Variants in ANKRD44 observed in about 807,000 individuals in gnomAD.
ANKRD44 encodes serine/threonine-protein phosphatase 6 regulatory ankyrin repeat subunit B.
Under a neutral mutation model 116.0 loss-of-function variants are expected in ANKRD44, and 35 were observed. The observed-to-expected ratio is 0.30, with a 90% CI of 0.23 to 0.40. The LOEUF (loss-of-function observed/expected upper bound fraction) is 0.40. Among genes scored for constraint, ANKRD44 ranks in the 10% least tolerant of loss-of-function variants. The pLI is 1.00. For synonymous variants in ANKRD44, 435 were observed against 461.8 expected, an observed-to-expected ratio of 0.94 and a Z score of 0.74; for missense variants, 1,014 against 1,242.6, an observed-to-expected ratio of 0.82 and a Z score of 2.77.
chr2:196,995,466 TAAAGAA>T lies in ANKRD44; in HGVS notation c.2749-11_2749-6del. The T allele has an allele frequency of 1.3e-6, 2 of 1,592,316 alleles. No homozygotes were observed. ...CAAGGCACATTTTTCATGACCCTAA[TAAAGAA>T]AAAGAATGATAAGAAATGCAAGATA... On this transcript the variant is annotated splice_polypyrimidine_tract_variant and splice_region_variant and intron_variant, in intron 25 of 27. Coordinates refer to ENST00000282272, the MANE Select transcript of ANKRD44 (RefSeq NM_001195144.2).
intron 13 of ANKRD44, 86 bp downstream of exon 13, chr2:197,086,594 C>G: frequency 7.5e-7 from 1 of 1,325,502 alleles, no homozygotes; most frequent in Non-Finnish European, 1.1e-6. Flanking sequence ...TCCCGGTTTA[C>G]CATTTCAACC....
At chr2:197,300,302 A>G (rs1258148372) in intron 1 of ANKRD44, among the ~76,000 whole-genome samples, 1 of 152,116 alleles carries the variant, frequency 6.6e-6, no homozygotes. Context: ...GACTCAGTAA[A>G]TTTAGTCACC....
intron 16 of ANKRD44, among the ~76,000 whole-genome samples, chr2:197,067,264 A>G: frequency 6.6e-6 from 1 of 151,972 alleles, no homozygotes; most frequent in South Asian, 2.1e-4. Context: ...CCTTCCTTAC[A>G]TCTTATACAA....
At chr2:197,005,456 G>A (rs898743194) in intron 21 of ANKRD44, among the ~76,000 whole-genome samples, 1 of 152,190 alleles carries the variant, frequency 6.6e-6, no homozygotes, top group Non-Finnish European at 1.5e-5. Context: ...TTACGGTTAA[G>A]TGTTAATGAT....
At chr2:197,020,348 C>T (rs1366527548) in intron 17 of ANKRD44, among the ~76,000 whole-genome samples, 1 of 152,148 alleles carries the variant, frequency 6.6e-6, no homozygotes, top group East Asian at 1.9e-4. Flanking sequence ...TTCTTCTATA[C>T]CAGGCACTTG....
At chr2:197,225,690 C>G (rs191546555) in intron 1 of ANKRD44, among the ~76,000 whole-genome samples, 23 of 150,844 alleles carry the variant, frequency 1.5e-4, no homozygotes, top group Non-Finnish European at 3.4e-4. Context: ...TTTGGGAAAT[C>G]TGATTCCCAA....
At chr2:197,070,392 C>T (rs2077533954) in intron 16 of ANKRD44, among the ~76,000 whole-genome samples, 1 of 152,124 alleles carries the variant, frequency 6.6e-6, no homozygotes, top group African/African-American at 2.4e-5. Context: ...AAGTTCCCCT[C>T]TATCTAATAT....
At chr2:197,040,551 A>G (rs2076892667) in intron 16 of ANKRD44, among the ~76,000 whole-genome samples, 2 of 151,598 alleles carry the variant, frequency 1.3e-5, no homozygotes, top group Non-Finnish European at 2.9e-5. Flanking sequence ...TAATTTTTGT[A>G]TTTTTAGTAG....
chr2:197,113,362 G>A (rs1050720727), intron 8 of ANKRD44, among the ~76,000 whole-genome samples: 4 of 152,182 alleles, frequency 2.6e-5, no homozygotes, highest in Admixed American at 1.3e-4. Flanking sequence ...TAACTAAGGC[G>A]AGAGAAGGCA....
intron 17 of ANKRD44, among the ~76,000 whole-genome samples, chr2:197,023,976 G>A (rs1290207674): frequency 6.6e-6 from 1 of 152,210 alleles, no homozygotes; most frequent in Admixed American, 6.5e-5. Flanking sequence ...TAGTGGGTGT[G>A]TTGGTGGGTG....
chr2:197,213,431 C>T (rs1466405488), intron 1 of ANKRD44, among the ~76,000 whole-genome samples: 2 of 152,092 alleles, frequency 1.3e-5, no homozygotes, highest in Non-Finnish European at 2.9e-5. Context: ...TAATTTATTT[C>T]AGCACATGTT....
chr2:197,307,116 A>G (rs2084095427), intron 1 of ANKRD44, among the ~76,000 whole-genome samples: 1 of 152,250 alleles, frequency 6.6e-6, no homozygotes, highest in Non-Finnish European at 1.5e-5. Flanking sequence ...AACAGTCAAT[A>G]TCAAATCAAT....
chr2:197,225,081 C>G (rs2081671623), intron 1 of ANKRD44, among the ~76,000 whole-genome samples: 1 of 152,026 alleles, frequency 6.6e-6, no homozygotes. Flanking sequence ...GGGAGATGAC[C>G]TTGAGCTTTG....
intron 17 of ANKRD44, among the ~76,000 whole-genome samples, chr2:197,016,224 C>A (rs1020086): frequency 0.9 from 136,650 of 152,266 alleles, 61,425 homozygotes; most frequent in East Asian, 1. Context: ...GTTTGCAAAA[C>A]GTCCAGCTAT....
intron 1 of ANKRD44, among the ~76,000 whole-genome samples, chr2:197,222,952 A>G (rs2081618785): frequency 6.6e-6 from 1 of 151,956 alleles, no homozygotes; most frequent in Admixed American, 6.6e-5. Context: ...AGCTGGGATT[A>G]TAGGTGTGTG....
rs566956757 is a variant in ANKRD44 at position 197,024,928 on chromosome 2, T to C, written c.1722+268A>G. Among the ~76,000 whole-genome samples the C allele has an allele frequency of 2.0e-5, 3 of 152,308 alleles. No homozygotes were observed. In the South Asian group the frequency reaches 6.2e-4, roughly 32 times the overall value. The stretch of plus-strand genomic sequence containing the variant: ...AAGAATAAAGGTTAAGGGCTTTGGG[T>C]GCATTATCTCTTTTCATTTGCCCTC... On this transcript the variant is annotated intron_variant, in intron 17 of 27. Coordinates refer to ENST00000282272, the MANE Select transcript of ANKRD44 (RefSeq NM_001195144.2).
intron 13 of ANKRD44, among the ~76,000 whole-genome samples, chr2:197,085,087 A>G (rs910610418): frequency 1.3e-5 from 2 of 152,238 alleles, no homozygotes; most frequent in African/African-American, 4.8e-5. Context: ...TTTTTCTGGT[A>G]TGACCAGCTG....
chr2:196,979,791 A>C (rs1263473927), intron 21 of ANKRD44, among the ~76,000 whole-genome samples: 1 of 151,836 alleles, frequency 6.6e-6, no homozygotes, highest in Non-Finnish European at 1.5e-5. Context: ...CGAACTCCCA[A>C]CCTCAGGTGA....
intron 1 of ANKRD44, among the ~76,000 whole-genome samples, chr2:197,229,180 T>C (rs141488889): frequency 5.3e-5 from 8 of 152,344 alleles, no homozygotes; most frequent in Middle Eastern, 3.4e-3. Context: ...ATAAAACACT[T>C]GATGTGAAGT....
Sources: gnomAD v4.1 joint callset for allele counts (sites outside exome capture counted in the v4.1 genomes callset) on GRCh38, gnomAD v4.1.1 for gene constraint, MANE v1.5 for transcripts, NCBI Gene and HGNC (gene_info 2026-07-23, HGNC 2026-07-21) for gene names.